The following TMTC2 variants were observed in gnomAD, a reference collection of about 807,000 sequenced individuals.
The protein encoded by TMTC2 is transmembrane O-mannosyltransferase targeting cadherins 2, also known as protein O-mannosyl-transferase TMTC2.
In TMTC2, 43 loss-of-function variants were observed where a neutral mutation model predicts 82.4. That is an observed-to-expected ratio of 0.52 (90% CI 0.41 to 0.67). The LOEUF is 0.67. TMTC2 is among the 30% of genes least tolerant of loss of function. The pLI, the probability that TMTC2 is intolerant of heterozygous loss-of-function variation, is 0.00. For synonymous variants in TMTC2, 408 were observed against 381.9 expected (o/e 1.07, Z -0.80); for missense variants, 919 against 1,012.4 (o/e 0.91, Z 1.25).
At chr12:82,899,117 G>C (rs543466085) in intron 3 of TMTC2, among the ~76,000 whole-genome samples, 10 of 152,128 alleles carry the variant, frequency 6.6e-5, no homozygotes, top group African/African-American at 2.2e-4. Context: ...TAATACTTAG[G>C]AAGTGCTGCA....
chr12:82,910,391 A>T (rs1874571293), intron 3 of TMTC2, among the ~76,000 whole-genome samples: 2 of 152,116 alleles, frequency 1.3e-5, no homozygotes, highest in South Asian at 4.1e-4. Context: ...CTCCAACCCC[A>T]GGCTCCAACC....
chr12:82,924,135 G>T (rs751953326), intron 3 of TMTC2, among the ~76,000 whole-genome samples: 6 of 152,176 alleles, frequency 3.9e-5, no homozygotes, highest in Non-Finnish European at 8.8e-5. Flanking sequence ...AAGACCACTA[G>T]GGCCACACCT....
intron 10 of TMTC2, among the ~76,000 whole-genome samples, chr12:83,059,444 A>G (rs1488513349): frequency 3.3e-5 from 5 of 151,724 alleles, no homozygotes; most frequent in Non-Finnish European, 7.4e-5. Flanking sequence ...ACAGTTTTCC[A>G]TGTTCTGCCA....
chr12:83,002,354 T>C (rs577940362), intron 8 of TMTC2, among the ~76,000 whole-genome samples: 1 of 152,308 alleles, frequency 6.6e-6, no homozygotes, highest in South Asian at 2.1e-4. Context: ...TTTTTCTTTG[T>C]TAATCTAGCT....
intron 1 of TMTC2, among the ~76,000 whole-genome samples, chr12:82,745,023 T>C (rs368102587): frequency 7.9e-5 from 12 of 152,236 alleles, no homozygotes; most frequent in South Asian, 6.2e-4. Flanking sequence ...ACAAAAGATA[T>C]TGCTATTTCA....
chr12:82,743,633 T>G (rs1875532251), intron 1 of TMTC2, among the ~76,000 whole-genome samples: 1 of 152,152 alleles, frequency 6.6e-6, no homozygotes, highest in Admixed American at 6.6e-5. Context: ...CCAATTTTGA[T>G]CTTGGTTCTC....
chr12:82,757,554 A>G (rs964329622), intron 1 of TMTC2, among the ~76,000 whole-genome samples: 1 of 152,198 alleles, frequency 6.6e-6, no homozygotes, highest in African/African-American at 2.4e-5. Context: ...TCCAGCCTGT[A>G]CAGTGCTTAT....
At chr12:82,709,060 A>C (rs563742822) in intron 1 of TMTC2, among the ~76,000 whole-genome samples, 1 of 150,114 alleles carries the variant, frequency 6.7e-6, no homozygotes, top group Admixed American at 6.6e-5. Context: ...ATAAAATGTC[A>C]GTAACATACT....
intron 11 of TMTC2, among the ~76,000 whole-genome samples, chr12:83,097,805 G>T (rs920191194): frequency 1.3e-5 from 2 of 152,288 alleles, no homozygotes; most frequent in African/African-American, 2.4e-5. Flanking sequence ...ATATGCGCAT[G>T]CACAGGAAGA....
chr12:83,007,709 A>G (rs567027472), intron 8 of TMTC2, among the ~76,000 whole-genome samples: 1 of 152,212 alleles, frequency 6.6e-6, no homozygotes, highest in South Asian at 2.1e-4. Flanking sequence ...ACCTTCATTT[A>G]TTCTTTCTAT....
At chr12:83,022,760 A>G (rs1880993298) in intron 8 of TMTC2, among the ~76,000 whole-genome samples, 1 of 151,982 alleles carries the variant, frequency 6.6e-6, no homozygotes, top group African/African-American at 2.4e-5. Context: ...TGAAATCCCT[A>G]CAGTAAAATG....
At chr12:83,124,912 T>TG (rs1310640478) in intron 11 of TMTC2, among the ~76,000 whole-genome samples, 15 of 151,600 alleles carry the variant, frequency 9.9e-5, no homozygotes, top group Non-Finnish European at 2.2e-4. Context: ...GGTTAAGGAG[T>TG]GGGATGAGAT....
chr12:82,814,100 A>T (rs1228707078), intron 1 of TMTC2, among the ~76,000 whole-genome samples: 1 of 152,132 alleles, frequency 6.6e-6, no homozygotes, highest in Non-Finnish European at 1.5e-5. Flanking sequence ...TATTGAGATG[A>T]AGGTACTTGC....
At chr12:83,097,650 T>C (rs1414360876) in intron 11 of TMTC2, among the ~76,000 whole-genome samples, 4 of 152,154 alleles carry the variant, frequency 2.6e-5, no homozygotes, top group Non-Finnish European at 5.9e-5. Context: ...ATATAAAATA[T>C]AATCAAATGA....
intron 1 of TMTC2, among the ~76,000 whole-genome samples, chr12:82,754,608 G>A (rs1250313008): frequency 1.3e-5 from 2 of 151,996 alleles, no homozygotes; most frequent in East Asian, 1.9e-4. Flanking sequence ...GTGGTGCTGG[G>A]CATCTGGAGT....
At chr12:82,735,414 C>G (rs1007800218) in intron 1 of TMTC2, among the ~76,000 whole-genome samples, 1 of 150,356 alleles carries the variant, frequency 6.7e-6, no homozygotes, top group African/African-American at 2.4e-5. Context: ...GGCGCGATCT[C>G]GGCTCACTGC....
intron 2 of TMTC2, among the ~76,000 whole-genome samples, chr12:82,861,968 A>C (rs1871577495): frequency 6.6e-6 from 1 of 152,226 alleles, no homozygotes; most frequent in South Asian, 2.1e-4. Flanking sequence ...GAAATGTTAA[A>C]GTGAACTCCT....
Position 82,687,595 on chromosome 12 carries a change from A to G in TMTC2, c.9A>G (p.Ala3=). The G allele has an allele frequency of 6.3e-7, 1 of 1,598,836 alleles. No individual in the cohort carries two copies. Among genetic ancestry groups the G allele is most frequent in the Non-Finnish European group, 8.5e-7 (1 of 1,174,210 alleles). Residue 3 remains alanine (A), a synonymous_variant, in exon 1 of 12, where the codon GCA becomes GCG. Coordinates refer to ENST00000321196, the MANE Select transcript of TMTC2 (RefSeq NM_152588.3). The part of the protein sequence containing the change: MI[A]ELVSSALGLA... Reference sequence around the variant, plus strand: ...GGGAAGGCGGTGGAGAGATGATTGCAGAGTTGGTGAGCAGCGCTCTGGGGC... The same window carrying G: ...GGGAAGGCGGTGGAGAGATGATTGCGGAGTTGGTGAGCAGCGCTCTGGGGC...
At chr12:82,816,968 G>GT (rs752958581) in intron 1 of TMTC2, among the ~76,000 whole-genome samples, 8,528 of 135,188 alleles carry the variant, frequency 0.063, 288 homozygotes, top group Middle Eastern at 0.15. Flanking sequence ...TTCTTTCTTT[G>GT]TTTTTTTTTT....
Sources: allele counts gnomAD v4.1 joint callset (sites outside exome capture counted in the v4.1 genomes callset), GRCh38; gene constraint gnomAD v4.1.1; transcripts MANE v1.5; gene names NCBI Gene and HGNC (gene_info 2026-07-23, HGNC 2026-07-21).